Variants in EPHB2 observed in about 807,000 individuals in gnomAD.
EPHB2 encodes ephrin type-B receptor 2.
EPHB2 carries 18 observed loss-of-function variants against 96.4 expected under a neutral mutation model. That is an observed-to-expected ratio of 0.19 (90% CI 0.13 to 0.28). The LOEUF (loss-of-function observed/expected upper bound fraction) is 0.28. Ranked by LOEUF, EPHB2 falls within the 10% of genes least tolerant of loss-of-function variation. The pLI is 1.00. For synonymous variants in EPHB2, 506 were observed against 534.1 expected (o/e 0.95, Z 0.72); for missense variants, 989 against 1,355.4 (o/e 0.73, Z 4.25).
intron 3 of EPHB2, among the ~76,000 whole-genome samples, chr1:22,807,722 G>A (rs1279606120): frequency 6.6e-6 from 1 of 152,220 alleles, no homozygotes; most frequent in Non-Finnish European, 1.5e-5. Flanking sequence ...CAGCACAGAG[G>A]AGGGAGTGAC....
rs1440745013 is a variant in EPHB2, at chr1:22,858,579, T to G, written c.812-4458T>G. On this transcript the variant is annotated intron_variant, in intron 3 of 15. Coordinates refer to ENST00000374630, the MANE Select transcript of EPHB2 (RefSeq NM_017449.5). The surrounding 1 kb of genome is among the most constrained non-coding windows in gnomAD (Gnocchi z 7.7). Reference sequence around the variant, plus strand: ...CAACTGCCTTCCTGTGTTTCAGGTCTCATTGTCTTCTTCCCACTTCTGCAC... The same window carrying G: ...CAACTGCCTTCCTGTGTTTCAGGTCGCATTGTCTTCTTCCCACTTCTGCAC... Among the ~76,000 whole-genome samples, 2 of 152,164 alleles carry G rather than the reference T, an allele frequency of 1.3e-5. No individual in the cohort carries two copies. Among genetic ancestry groups the G allele is most frequent in the Non-Finnish European group, 2.9e-5 (2 of 68,014 alleles).
intron 3 of EPHB2, among the ~76,000 whole-genome samples, chr1:22,817,088 C>T (rs1173986345): frequency 5.9e-5 from 9 of 152,154 alleles, no homozygotes; most frequent in Admixed American, 5.9e-4. Context: ...TGGGCAGCCT[C>T]GCTGGATGCC....
chr1:22,750,771 T>TA lies in EPHB2; in HGVS notation c.62-30649dup, dbSNP rs1238368216. On this transcript the variant is annotated intron_variant, in intron 1 of 15. Coordinates refer to ENST00000374630, the MANE Select transcript of EPHB2 (RefSeq NM_017449.5). ...CACTTTCTAAGTGCTTTGCAAATAT[T>TA]ACAAATATTTCATCCCCATTACGAC... Among the ~76,000 whole-genome samples, 104 of 152,352 alleles carry TA rather than the reference T, an allele frequency of 6.8e-4. 1 individual carries two copies. The highest frequency in any genetic ancestry group is 1.9e-4 in the Non-Finnish European group (13 of 68,036).
intron 13 of EPHB2, among the ~76,000 whole-genome samples, chr1:22,909,749 G>A (rs886682519): frequency 1.3e-5 from 2 of 152,166 alleles, no homozygotes; most frequent in African/African-American, 4.8e-5. Flanking sequence ...TAGCAAAAAT[G>A]AAGACAGGAA....
intron 1 of EPHB2, among the ~76,000 whole-genome samples, chr1:22,746,232 A>G (rs1441922131): frequency 6.6e-6 from 1 of 152,260 alleles, no homozygotes; most frequent in Non-Finnish European, 1.5e-5. Context: ...TGCATCTTTC[A>G]CAACTGCCAA....
chr1:22,857,676 A>G (rs1172701936), intron 3 of EPHB2, among the ~76,000 whole-genome samples: 5 of 152,068 alleles, frequency 3.3e-5, no homozygotes, highest in Non-Finnish European at 5.9e-5. Context: ...GGCAGAGAGG[A>G]ATGTGAGCCT....
chr1:22,797,000 ACATTTTTTTCATGACTGTTATCT>A (rs1489350222), intron 3 of EPHB2, among the ~76,000 whole-genome samples: 1 of 152,198 alleles, frequency 6.6e-6, no homozygotes, highest in African/African-American at 2.4e-5. Flanking sequence ...CATCATTAGT[ACATTTTTTTCATGACTGTTATCT>A]CATTGGATTC....
At chr1:22,749,073 T>C (rs930380580) in intron 1 of EPHB2, among the ~76,000 whole-genome samples, 5 of 150,842 alleles carry the variant, frequency 3.3e-5, no homozygotes, top group African/African-American at 1.2e-4. Context: ...CAGGCTGGAG[T>C]GCAGTGGTGG....
Position 22,882,343 on chromosome 1 carries a change from C to T in EPHB2, c.1304-16C>T. 3 of 1,613,410 alleles carry T rather than the reference C, an allele frequency of 1.9e-6. No individual in the cohort carries two copies. Among genetic ancestry groups the T allele is most frequent in the Non-Finnish European group, 2.5e-6 (3 of 1,179,842 alleles). ...CTCATGCCTCCCTGATCCCTGACCT[C>T]TGGCCTCTCTTCCAGCTCCATCGGC... On this transcript the variant is annotated splice_polypyrimidine_tract_variant and intron_variant, in intron 5 of 15. Coordinates refer to ENST00000374630, the MANE Select transcript of EPHB2 (RefSeq NM_017449.5).
chr1:22,877,691 G>T (rs1199987285), intron 5 of EPHB2, among the ~76,000 whole-genome samples: 2 of 152,180 alleles, frequency 1.3e-5, no homozygotes, highest in Admixed American at 1.3e-4. Flanking sequence ...GTGGCAGGTG[G>T]ATCATATACT....
Position 22,913,993 on chromosome 1 carries a change from G to T in EPHB2, c.*423G>T. The T allele has an allele frequency of 7.4e-7, 1 of 1,345,088 alleles. No homozygotes were observed. The highest frequency in any genetic ancestry group is 9.9e-7 in the Non-Finnish European group (1 of 1,006,482). 83.3% of individuals were successfully genotyped at this position (1,345,088 alleles called of 1,614,324 possible). On this transcript the variant is annotated 3_prime_UTR_variant, in exon 16 of 16. Transcript: ENST00000374630. This position sits in a 1 kb window ranked among gnomAD's most constrained non-coding sequence, Gnocchi z 4.1. ...ACACTTTCAGAAAAACAAATGTGAA[G>T]GGGAGAGACAGGGGCCGCCCTTGGC...
chr1:22,868,570 AT>A (rs1638558278), intron 5 of EPHB2, among the ~76,000 whole-genome samples: 1 of 152,110 alleles, frequency 6.6e-6, no homozygotes. Context: ...GGTTCAGCCT[AT>A]TTCATGTGTC....
intron 3 of EPHB2, among the ~76,000 whole-genome samples, chr1:22,837,932 C>A (rs996197596): frequency 1.3e-5 from 2 of 152,198 alleles, no homozygotes; most frequent in Non-Finnish European, 2.9e-5. Flanking sequence ...AGGCCTCCCC[C>A]AAAGAGGTGA....
At chr1:22,910,847 C>T (rs1640075298) in intron 14 of EPHB2, among the ~76,000 whole-genome samples, 1 of 152,182 alleles carries the variant, frequency 6.6e-6, no homozygotes, top group African/African-American at 2.4e-5. Flanking sequence ...AGAAAAATTA[C>T]CAAAGGAAGG....
intron 1 of EPHB2, among the ~76,000 whole-genome samples, chr1:22,740,328 G>T (rs1002295443): frequency 6.6e-6 from 1 of 152,056 alleles, no homozygotes; most frequent in African/African-American, 2.4e-5. Flanking sequence ...ATTTTGGGTG[G>T]GACAATTCTT....
intron 9 of EPHB2, among the ~76,000 whole-genome samples, chr1:22,902,437 G>A (rs1256138892): frequency 2.6e-5 from 4 of 152,148 alleles, no homozygotes; most frequent in African/African-American, 9.7e-5. Flanking sequence ...TCTAAAGCAA[G>A]GGCTTATAGC....
chr1:22,798,800 T>G (rs1345275919), intron 3 of EPHB2, among the ~76,000 whole-genome samples: 1 of 152,056 alleles, frequency 6.6e-6, no homozygotes, highest in Non-Finnish European at 1.5e-5. Context: ...TTTGAAGGTT[T>G]GAAGAGGCTC....
Position 22,768,572 on chromosome 1 carries a change from A to G in EPHB2, c.62-12849A>G, listed in dbSNP as rs192693155. On this transcript the variant is annotated intron_variant, in intron 1 of 15. Transcript: ENST00000374630. ...AGCAGGGCATGGTGATCACACGTGT[A>G]GTCCCAGCTTCTCAGGAGGCTGAGG... Among the ~76,000 whole-genome samples the G allele has an allele frequency of 1.4e-4, 22 of 152,190 alleles. No individual in the cohort carries two copies. The East Asian group carries it at 2.3e-3, about 16-fold the overall frequency.
Position 22,905,972 on chromosome 1 carries a change from G to C in EPHB2, c.1766-15G>C. 6.2e-7 allele frequency: 1 copy of C among 1,614,164 alleles called. No individual in the cohort carries two copies. The highest frequency in any genetic ancestry group is 8.5e-7 in the Non-Finnish European group (1 of 1,180,028). The stretch of plus-strand genomic sequence containing the variant: ...TGAGTCAGTCCATATGACAGAGCCT[G>C]GTCTTGTCCCCCAGTGACCCCAGGC... On this transcript the variant is annotated splice_polypyrimidine_tract_variant and intron_variant, in intron 9 of 15. Transcript: ENST00000374630.
Sources: allele counts gnomAD v4.1 joint callset (sites outside exome capture counted in the v4.1 genomes callset), GRCh38; gene constraint gnomAD v4.1.1; non-coding constraint Gnocchi (gnomAD v3.1); transcripts MANE v1.5; gene names NCBI Gene and HGNC (gene_info 2026-07-23, HGNC 2026-07-21).